Variants in CSMD1 observed in about 807,000 individuals in gnomAD.
CSMD1 encodes CUB and Sushi multiple domains 1.
In CSMD1, 213 loss-of-function variants were observed where a neutral mutation model predicts 417.5. The observed-to-expected ratio is 0.51, with a 90% CI of 0.46 to 0.57. The LOEUF (loss-of-function observed/expected upper bound fraction) is 0.57. CSMD1 is among the 20% of genes least tolerant of loss of function. CSMD1 has a pLI of 0.00. For synonymous variants in CSMD1, 2,862 were observed against 1,736.8 expected (o/e 1.65, Z -16.11); for missense variants, 6,923 against 4,529.7 (o/e 1.53, Z -15.17).
chr8:4,261,494 G>A (rs938171230), intron 3 of CSMD1, among the ~76,000 whole-genome samples: 1 of 152,134 alleles, frequency 6.6e-6, no homozygotes, highest in African/African-American at 2.4e-5. Flanking sequence ...GTACAGCATG[G>A]TTACTTTAGC....
At chr8:4,571,659 C>A (rs1259390290) in intron 2 of CSMD1, among the ~76,000 whole-genome samples, 2 of 152,008 alleles carry the variant, frequency 1.3e-5, no homozygotes, top group Non-Finnish European at 1.5e-5. Flanking sequence ...ACTAGGTCCA[C>A]TGAGTTCAAG....
rs536237527 is a variant in CSMD1, at chr8:4,133,704, A to G, written c.416-101605T>C. On this transcript the variant is annotated intron_variant, in intron 3 of 69. Transcript: ENST00000635120. ...CAAACATTTTTACACCATAATACAT[A>G]AAGTGTAATCTCAAGACTGTTTATG... Among the ~76,000 whole-genome samples the G allele has an allele frequency of 5.9e-4, 5 of 8,540 alleles. No individual in the cohort carries two copies. In the Non-Finnish European group the frequency reaches 0.025, roughly 43 times the overall value. 5.6% of individuals were successfully genotyped at this position (8,540 alleles called of 152,430 possible).
intron 2 of CSMD1, among the ~76,000 whole-genome samples, chr8:4,614,956 T>C (rs1483229843): frequency 6.6e-6 from 1 of 152,216 alleles, no homozygotes; most frequent in Non-Finnish European, 1.5e-5. Context: ...CTATGATTTG[T>C]CTGAAAAACA....
chr8:3,703,307 G>A (rs776161033), intron 7 of CSMD1, among the ~76,000 whole-genome samples: 24 of 152,172 alleles, frequency 1.6e-4, no homozygotes, highest in Non-Finnish European at 1.3e-4. Context: ...TTGAAAGCAA[G>A]GCTGTGTAAA....
intron 25 of CSMD1, among the ~76,000 whole-genome samples, chr8:3,290,804 G>C (rs1457360471): frequency 6.7e-6 from 1 of 148,348 alleles, no homozygotes; most frequent in Admixed American, 6.6e-5. Context: ...TTTCCTAATT[G>C]AATACTCTTT....
At chr8:3,139,521 A>C (rs139585991) in intron 41 of CSMD1, among the ~76,000 whole-genome samples, 3 of 152,168 alleles carry the variant, frequency 2.0e-5, no homozygotes, top group African/African-American at 7.2e-5. Flanking sequence ...CTGCAATAGA[A>C]GATCTTGTCG....
At chr8:3,687,693 GCTAA>G (rs1563273574) in intron 7 of CSMD1, among the ~76,000 whole-genome samples, 1 of 152,194 alleles carries the variant, frequency 6.6e-6, no homozygotes, top group Admixed American at 6.5e-5. Context: ...GCCCCACCGT[GCTAA>G]CTGATGGCTG....
At chr8:3,688,536 A>G (rs1190916504) in intron 7 of CSMD1, among the ~76,000 whole-genome samples, 1 of 152,214 alleles carries the variant, frequency 6.6e-6, no homozygotes, top group African/African-American at 2.4e-5. Flanking sequence ...CATGTGCAAA[A>G]CTTAACTACA....
chr8:4,168,869 G>A (rs565841753), intron 3 of CSMD1, among the ~76,000 whole-genome samples: 3 of 152,100 alleles, frequency 2.0e-5, no homozygotes, highest in African/African-American at 4.8e-5. Flanking sequence ...CTTTAGACAC[G>A]GTGACTGATG....
intron 57 of CSMD1, among the ~76,000 whole-genome samples, chr8:2,970,721 T>C (rs959172287): frequency 6.6e-6 from 1 of 152,192 alleles, no homozygotes; most frequent in Non-Finnish European, 1.5e-5. Flanking sequence ...AGCCAAAATG[T>C]CACAATTCAC....
intron 12 of CSMD1, among the ~76,000 whole-genome samples, chr8:3,413,813 T>C (rs1310933355): frequency 6.6e-6 from 1 of 152,140 alleles, no homozygotes. Flanking sequence ...CTTCTCTCTA[T>C]GTCAGAGACG....
intron 5 of CSMD1, among the ~76,000 whole-genome samples, chr8:3,822,961 C>A (rs1314643472): frequency 6.6e-6 from 1 of 152,142 alleles, no homozygotes; most frequent in Non-Finnish European, 1.5e-5. Context: ...AAAGTTGAAT[C>A]AACTTTTTTA....
At chr8:3,958,577 T>C (rs1240903248) in intron 5 of CSMD1, among the ~76,000 whole-genome samples, 1 of 152,230 alleles carries the variant, frequency 6.6e-6, no homozygotes, top group African/African-American at 2.4e-5. Flanking sequence ...ATTTATCTGC[T>C]TGTTCTTTAT....
intron 1 of CSMD1, among the ~76,000 whole-genome samples, chr8:4,889,038 T>C (rs982061350): frequency 1.3e-5 from 2 of 152,132 alleles, no homozygotes; most frequent in African/African-American, 4.8e-5. Flanking sequence ...GCATTTATTG[T>C]TTCAGGCAAG....
At chr8:3,372,089 T>C (rs1242220634) in intron 18 of CSMD1, among the ~76,000 whole-genome samples, 1 of 152,170 alleles carries the variant, frequency 6.6e-6, no homozygotes, top group Non-Finnish European at 1.5e-5. Context: ...TATTGGCAGA[T>C]GACACATGAC....
chr8:4,968,877 A>G (rs893708182), intron 1 of CSMD1, among the ~76,000 whole-genome samples: 8 of 152,218 alleles, frequency 5.3e-5, no homozygotes, highest in Non-Finnish European at 1.0e-4. Context: ...CACACAAAGC[A>G]TCAGTCTGTC....
At chr8:4,248,155 A>T (rs1802824451) in intron 3 of CSMD1, among the ~76,000 whole-genome samples, 2 of 152,202 alleles carry the variant, frequency 1.3e-5, no homozygotes, top group Non-Finnish European at 1.5e-5. Context: ...ATTAGAAGAA[A>T]AAAATTGCTT....
chr8:4,796,956 G>C (rs1798013053), intron 1 of CSMD1, among the ~76,000 whole-genome samples: 1 of 152,190 alleles, frequency 6.6e-6, no homozygotes, highest in Non-Finnish European at 1.5e-5. Flanking sequence ...GAGCGGCCCT[G>C]ATTGCCTGGT....
chr8:4,301,504 A>C (rs1016510159), intron 3 of CSMD1, among the ~76,000 whole-genome samples: 37 of 152,168 alleles, frequency 2.4e-4, no homozygotes, highest in African/African-American at 8.7e-4. Context: ...ATCTCTATTG[A>C]AAGCTCTACT....
Sources: allele counts gnomAD v4.1 joint callset (sites outside exome capture counted in the v4.1 genomes callset), GRCh38; gene constraint gnomAD v4.1.1; transcripts MANE v1.5; gene names NCBI Gene and HGNC (gene_info 2026-07-23, HGNC 2026-07-21).